SYNE1: variants seen among roughly 807,000 people sequenced by gnomAD.
The protein encoded by SYNE1 is nesprin-1.
SYNE1 carries 616 observed loss-of-function variants against 1,111.0 expected under a neutral mutation model. The observed-to-expected ratio is 0.55, with a 90% CI of 0.52 to 0.59. SYNE1 has a LOEUF of 0.59. Among genes scored for constraint, SYNE1 ranks in the 20% least tolerant of loss-of-function variants. SYNE1 has a pLI of 0.00. For synonymous variants in SYNE1, 3,855 were observed against 3,825.8 expected (o/e 1.01, Z -0.28); for missense variants, 10,006 against 10,417.0 (o/e 0.96, Z 1.72).
chr6:152,318,895 C>A lies in SYNE1; in HGVS notation c.16357G>T (p.Asp5453Tyr). ...TCAGTTTTAGCTTGAACTACATTAT[C>A]TGTCTTCGCTTTCAGCTTAGTTAGA... The part of the protein sequence containing the change: ...TILTKLKAKT[D>Y]NVVQAKTDQK... Residue 5453 changes from aspartate (D) to tyrosine (Y), a missense_variant, in exon 85 of 146, where the codon GAT (aspartate) becomes TAT (tyrosine). Coordinates refer to ENST00000367255, the MANE Select transcript of SYNE1 (RefSeq NM_182961.4). 1 of 1,614,186 alleles carries A rather than the reference C, an allele frequency of 6.2e-7. No individual in the cohort carries two copies. The highest frequency in any genetic ancestry group is 1.3e-5 in the African/African-American group (1 of 75,056).
At chr6:152,514,906 T>C (rs1173435239) in intron 6 of SYNE1, among the ~76,000 whole-genome samples, 2 of 152,154 alleles carry the variant, frequency 1.3e-5, no homozygotes, top group African/African-American at 4.8e-5. Flanking sequence ...AGCGGACTAA[T>C]GCACAGCTCA....
chr6:152,626,349 A>T (rs534735422), intron 3 of SYNE1, among the ~76,000 whole-genome samples: 1 of 152,194 alleles, frequency 6.6e-6, no homozygotes, highest in South Asian at 2.1e-4. Context: ...TTACTACCTT[A>T]TTATCTTCCC....
chr6:152,376,404 A>T lies in SYNE1; in HGVS notation c.9301T>A (p.Ser3101Thr). 1 of 1,614,190 alleles carries T rather than the reference A, an allele frequency of 6.2e-7. No individual in the cohort carries two copies. Among genetic ancestry groups the T allele is most frequent in the South Asian group, 1.1e-5 (1 of 91,080 alleles). Residue 3101 changes from serine to threonine, a missense_variant, in exon 58 of 146, where the codon TCA becomes ACA. Ser to Thr is a moderately conservative substitution (Grantham distance 58). Transcript: ENST00000367255. ...FDIPQNISEV[S>T]TSLQKIQEFL... Reference sequence around the variant, plus strand: ...ACCTGTATTTTCTGAAGACTAGTTGAAACTTCACTTATATTTTGAGGTATA... The same window carrying T: ...ACCTGTATTTTCTGAAGACTAGTTGTAACTTCACTTATATTTTGAGGTATA...
rs150895746 is a variant in SYNE1, at chr6:152,225,590, G to A, written c.21351+131C>T. ...AAAAAAAAAAGAGGATAACGAAGTG[G>A]ACTTAAAAGTACAAGGAGATAATGT... On this transcript the variant is annotated intron_variant, in intron 116 of 145. Coordinates refer to ENST00000367255, the MANE Select transcript of SYNE1 (RefSeq NM_182961.4). The A allele has an allele frequency of 8.9e-5, 96 of 1,078,690 alleles. No homozygotes were observed. The East Asian group carries it at 2.3e-3, about 26-fold the overall frequency. 66.8% of individuals were successfully genotyped at this position (1,078,690 alleles called of 1,614,324 possible).
intron 128 of SYNE1, among the ~76,000 whole-genome samples, chr6:152,188,957 C>CAAA (rs1159424311): frequency 2.9e-4 from 14 of 49,078 alleles, no homozygotes; most frequent in South Asian, 9.3e-4. Flanking sequence ...GACTCTGTCT[C>CAAA]AAAAAAAAAA....
intron 32 of SYNE1, 82 bp from the exon 33 acceptor site, chr6:152,436,183 A>G (rs1342317267): frequency 1.8e-5 from 26 of 1,424,754 alleles, no homozygotes; most frequent in Non-Finnish European, 2.5e-5. Flanking sequence ...TATTGCATAC[A>G]GAACAGATGG....
intron 91 of SYNE1, among the ~76,000 whole-genome samples, chr6:152,307,214 G>A (rs1421319969): frequency 6.6e-6 from 1 of 152,120 alleles, no homozygotes; most frequent in African/African-American, 2.4e-5. Context: ...AGTTGTTGGA[G>A]TAAATGTAGA....
intron 3 of SYNE1, among the ~76,000 whole-genome samples, chr6:152,555,526 G>A (rs774868892): frequency 1.6e-4 from 24 of 152,170 alleles, no homozygotes; most frequent in East Asian, 3.9e-4. Context: ...TATGATGTAC[G>A]CACAATGACA....
At chr6:152,312,988 C>G (rs9479290) in intron 87 of SYNE1, among the ~76,000 whole-genome samples, 2 of 152,028 alleles carry the variant, frequency 1.3e-5, no homozygotes, top group African/African-American at 4.8e-5. Context: ...GATGAAAGAA[C>G]GGCTACTCCA....
In SYNE1 at chr6:152,430,129, C is replaced by T. The variant is rs1186744196; in HGVS notation, c.4771G>A (p.Val1591Ile). 3 of 1,598,436 alleles carry T rather than the reference C, an allele frequency of 1.9e-6. No individual in the cohort carries two copies. The highest frequency in any genetic ancestry group is 1.3e-5 in the African/African-American group (1 of 74,726). ...ICSSATETYK[V>I]LQEHMDLCQA... is the part of the protein sequence containing the mutation. Reference sequence around the variant, plus strand: ...ACTCTTACCATATGTTCTTGAAGAACTTTGTATGTTTCTGTAGCTGAAGAA... The same window carrying T: ...ACTCTTACCATATGTTCTTGAAGAATTTTGTATGTTTCTGTAGCTGAAGAA... The change falls in exon 36 of 146, where the codon GTT (valine) becomes ATT (isoleucine). Residue 1591 changes from valine to isoleucine, a missense_variant. Physicochemically the swap from Val to Ile is conservative, Grantham distance 29. Transcript: ENST00000367255.
At chr6:152,636,230 G>C (rs969663993) in intron 2 of SYNE1, among the ~76,000 whole-genome samples, 4 of 152,060 alleles carry the variant, frequency 2.6e-5, no homozygotes, top group Admixed American at 2.0e-4. Flanking sequence ...TAGTCAGGGG[G>C]TGGAGGAAGG....
In SYNE1 at chr6:152,233,861, G is replaced by A. The variant is rs1043285819; in HGVS notation, c.20632C>T (p.Arg6878Cys). Reference sequence around the variant, plus strand: ...CTATCAATGCGCGACAGCTCAGAGCGCAGCGTGGCTGTGTCCACCTTTTTT... The same window carrying A: ...CTATCAATGCGCGACAGCTCAGAGCACAGCGTGGCTGTGTCCACCTTTTTT... ...RLKKVDTATL[R>C]SELSRIDSQW... The change falls in exon 112 of 146, where the codon CGC becomes TGC. Residue 6878 changes from arginine (R) to cysteine (C), a missense_variant. By Grantham distance (180) the Arg-to-Cys change is radical (BLOSUM62 -3). Transcript: ENST00000367255. 15 of 1,614,050 alleles carry A rather than the reference G, an allele frequency of 9.3e-6. No individual in the cohort carries two copies. The highest frequency in any genetic ancestry group is 3.3e-5 in the South Asian group (3 of 91,088).
chr6:152,297,642 G>C (rs1053974981), intron 93 of SYNE1, among the ~76,000 whole-genome samples: 1 of 152,102 alleles, frequency 6.6e-6, no homozygotes, highest in African/African-American at 2.4e-5. Context: ...TACTATTACT[G>C]TCCATAAGGA....
chr6:152,244,502 C>A (rs1017303726), intron 106 of SYNE1, 35 bp downstream of exon 106: 3 of 1,613,436 alleles, frequency 1.9e-6, no homozygotes, highest in Non-Finnish European at 2.5e-6. Context: ...TTTGATGTAC[C>A]CCTGCAGCTG....
At chr6:152,510,484 T>C (rs2099079654) in intron 7 of SYNE1, 113 bp from the exon 8 acceptor site, 1 of 1,254,590 alleles carries the variant, frequency 8.0e-7, no homozygotes, top group African/African-American at 1.5e-5. Context: ...TTGACATTCC[T>C]GACAAAATGC....
At chr6:152,596,276 T>G (rs953474737) in intron 3 of SYNE1, among the ~76,000 whole-genome samples, 1 of 148,928 alleles carries the variant, frequency 6.7e-6, no homozygotes, top group Non-Finnish European at 1.5e-5. Flanking sequence ...GTTTGTTTTT[T>G]TTTTTTTTTG....
chr6:152,483,330 C>CTTTATGTATGCTTTACT, intron 13 of SYNE1, 81 bp from the exon 14 acceptor site: 2 of 1,182,628 alleles, frequency 1.7e-6, no homozygotes, highest in Non-Finnish European at 2.5e-6. Flanking sequence ...AATAGTAAAG[C>CTTTATGTATGCTTTACT]ATACATAAAG....
chr6:152,185,605 T>C (rs1306826356), intron 128 of SYNE1, among the ~76,000 whole-genome samples: 1 of 152,224 alleles, frequency 6.6e-6, no homozygotes, highest in Non-Finnish European at 1.5e-5. Context: ...ATAACGTAAG[T>C]ACGCTTTAGC....
chr6:152,456,086 CAG>C lies in SYNE1; in HGVS notation c.2569-44_2569-43del. ...CCCCACAACAATGTTATTTACAAGA[CAG>C]AGTGAGAGAGAAAGAAAGAGAGTGA... is the stretch of plus-strand genomic sequence containing the variant. On this transcript the variant is annotated intron_variant, in intron 22 of 145. Transcript: ENST00000367255. 3.1e-6 allele frequency: 5 copies of C among 1,596,714 alleles called. No homozygotes were observed. In the South Asian group the frequency reaches 3.3e-5, roughly 11 times the overall value.
Sources: gnomAD v4.1 joint callset for allele counts (sites outside exome capture counted in the v4.1 genomes callset) on GRCh38, gnomAD v4.1.1 for gene constraint, MANE v1.5 for transcripts, NCBI Gene and HGNC (gene_info 2026-07-23, HGNC 2026-07-21) for gene names.